Variants in SEMA5A observed in about 807,000 individuals in gnomAD.
SEMA5A encodes the protein semaphorin 5A.
SEMA5A carries 55 observed loss-of-function variants against 135.5 expected under a neutral mutation model. The observed-to-expected ratio is 0.41, with a 90% CI of 0.33 to 0.51. The LOEUF (loss-of-function observed/expected upper bound fraction) is 0.51. SEMA5A is among the 20% of genes least tolerant of loss of function. SEMA5A has a pLI of 0.37. For synonymous variants in SEMA5A, 580 were observed against 546.5 expected, an observed-to-expected ratio of 1.06 and a Z score of -0.85; for missense variants, 1,290 against 1,419.9, an observed-to-expected ratio of 0.91 and a Z score of 1.47.
chr5:9,058,213 TC>T (rs775376953), intron 18 of SEMA5A, among the ~76,000 whole-genome samples: 8 of 152,144 alleles, frequency 5.3e-5, no homozygotes, highest in Non-Finnish European at 1.0e-4. Context: ...ATATTCCATC[TC>T]CATCCTCACA....
intron 1 of SEMA5A, among the ~76,000 whole-genome samples, chr5:9,507,538 T>C (rs1735961750): frequency 6.6e-6 from 1 of 152,212 alleles, no homozygotes; most frequent in African/African-American, 2.4e-5. Context: ...GGTCTTTCCT[T>C]ATTTCTTGGC....
rs371438410 is a variant in SEMA5A, at chr5:9,306,099, C to CAG, written c.270+12271_270+12272dup. 1.5e-3 allele frequency among the ~76,000 whole-genome samples: 228 copies of CAG among 152,302 alleles called. 1 individual carries two copies. Among genetic ancestry groups the CAG allele is most frequent in the African/African-American group, 5.4e-3 (225 of 41,566 alleles). On this transcript the variant is annotated intron_variant, in intron 5 of 22. Coordinates refer to ENST00000382496, the MANE Select transcript of SEMA5A (RefSeq NM_003966.3). ...GATTTATCCCTTTTCCACGAGTTTT[C>CAG]AGAAGTCTGACTATAACGTGCTGGT... is the stretch of plus-strand genomic sequence containing the variant.
chr5:9,085,943 T>C (rs111490192), intron 16 of SEMA5A, among the ~76,000 whole-genome samples: 1,807 of 152,316 alleles, frequency 0.012, 37 homozygotes, highest in African/African-American at 0.04. Context: ...CAGTGTGACC[T>C]GGATGTGAGA....
intron 5 of SEMA5A, among the ~76,000 whole-genome samples, chr5:9,300,678 A>C (rs560322151): frequency 7.2e-4 from 109 of 152,314 alleles, no homozygotes; most frequent in African/African-American, 2.5e-3. Flanking sequence ...TAGCAAATGT[A>C]ATTAAGAATC....
intron 1 of SEMA5A, among the ~76,000 whole-genome samples, chr5:9,473,219 AG>A (rs1304426848): frequency 4.7e-5 from 7 of 148,698 alleles, no homozygotes; most frequent in East Asian, 3.9e-4. Context: ...AAAAAAAAAA[AG>A]AATGATAAAA....
In SEMA5A at chr5:9,042,657, C is replaced by G. The variant is rs1736024297; in HGVS notation, c.*240G>C. 8.8e-6 allele frequency: 4 copies of G among 455,240 alleles called. No homozygotes were observed. The Admixed American group carries it at 1.2e-4, about 14-fold the overall frequency. 28.2% of individuals were successfully genotyped at this position (455,240 alleles called of 1,614,324 possible). ...ACTTGTCAGAAAAATAGGATGAACA[C>G]AATTAAAAACTTCACACCCTGGCTC... On this transcript the variant is annotated 3_prime_UTR_variant, in exon 23 of 23. Coordinates refer to ENST00000382496, the MANE Select transcript of SEMA5A (RefSeq NM_003966.3).
Position 9,066,611 on chromosome 5 carries a change from C to T in SEMA5A, c.2109G>A (p.Glu703=), listed in dbSNP as rs1251793383. 1 of 1,614,132 alleles carries T rather than the reference C, an allele frequency of 6.2e-7. No individual in the cohort carries two copies. Residue 703 remains glutamate (E), a synonymous_variant, in exon 17 of 23, where the codon GAG becomes GAA. Transcript: ENST00000382496. Reference sequence around the variant, plus strand: ...GTGTCCAGGGCGTGGTCTTCTTCAGCTCAGGACACGGGTTGGTGTTGCAAG... The same window carrying T: ...GTGTCCAGGGCGTGGTCTTCTTCAGTTCAGGACACGGGTTGGTGTTGCAAG... The part of the protein sequence containing the change: ...YQSCNTNPCP[E]LKKTTPWTPW...
chr5:9,366,348 C>T (rs982827427), intron 3 of SEMA5A, among the ~76,000 whole-genome samples: 25 of 151,706 alleles, frequency 1.6e-4, no homozygotes, highest in African/African-American at 6.1e-4. Context: ...TCAATAATGT[C>T]AACAGAAATC....
chr5:9,081,588 C>A (rs1433663760), intron 16 of SEMA5A, among the ~76,000 whole-genome samples: 3 of 152,082 alleles, frequency 2.0e-5, no homozygotes, highest in Non-Finnish European at 4.4e-5. Context: ...AAAAGATGAC[C>A]ATTACTTATT....
At chr5:9,400,276 G>A (rs1270346166) in intron 2 of SEMA5A, among the ~76,000 whole-genome samples, 1 of 152,088 alleles carries the variant, frequency 6.6e-6, no homozygotes, top group Non-Finnish European at 1.5e-5. Context: ...GTATACCTAT[G>A]TAACAAGCCT....
At chr5:9,263,325 A>C (rs1226887382) in intron 5 of SEMA5A, among the ~76,000 whole-genome samples, 1 of 152,178 alleles carries the variant, frequency 6.6e-6, no homozygotes, top group Non-Finnish European at 1.5e-5. Context: ...TGAGCAGCAG[A>C]CAAGTGAGCG....
chr5:9,378,370 G>A lies in SEMA5A; in HGVS notation c.124+1453C>T, dbSNP rs1179700916. Among the ~76,000 whole-genome samples the A allele has an allele frequency of 2.6e-5, 4 of 152,158 alleles. No homozygotes were observed. The East Asian group carries it at 5.8e-4, about 22-fold the overall frequency. ...AAAATAATAAAATGAGAAAATCCCA[G>A]TTTTGTACCCACAGATGAATCAGTA... On this transcript the variant is annotated intron_variant, in intron 3 of 22. Coordinates refer to ENST00000382496, the MANE Select transcript of SEMA5A (RefSeq NM_003966.3).
chr5:9,483,828 G>C (rs773187398), intron 1 of SEMA5A, among the ~76,000 whole-genome samples: 40 of 152,256 alleles, frequency 2.6e-4, no homozygotes, highest in Non-Finnish European at 4.1e-4. Flanking sequence ...CAAAGCCTTG[G>C]GGGGAGGAGA....
At chr5:9,456,876 G>A (rs771932060) in intron 1 of SEMA5A, among the ~76,000 whole-genome samples, 12 of 152,132 alleles carry the variant, frequency 7.9e-5, no homozygotes, top group Non-Finnish European at 1.5e-4. Context: ...AGTAGAACAG[G>A]ATCAAACAGA....
At chr5:9,480,617 C>G (rs1346244983) in intron 1 of SEMA5A, among the ~76,000 whole-genome samples, 1 of 152,164 alleles carries the variant, frequency 6.6e-6, no homozygotes, top group African/African-American at 2.4e-5. Context: ...CAAATCTGCT[C>G]TTACTGCCTT....
intron 11 of SEMA5A, among the ~76,000 whole-genome samples, chr5:9,182,738 A>G (rs779704705): frequency 4.0e-5 from 6 of 151,336 alleles, no homozygotes; most frequent in Non-Finnish European, 5.9e-5. Context: ...TTTTTATACA[A>G]TGGCGGATCC....
intron 2 of SEMA5A, among the ~76,000 whole-genome samples, chr5:9,418,177 C>T (rs896602483): frequency 2.0e-5 from 3 of 151,964 alleles, no homozygotes; most frequent in African/African-American, 4.8e-5. Context: ...GGGGTTTCAC[C>T]GTGTTAGCCA....
chr5:9,353,319 GA>G (rs1561177769), intron 3 of SEMA5A, among the ~76,000 whole-genome samples: 1 of 40,974 alleles, frequency 2.4e-5, no homozygotes, highest in Non-Finnish European at 5.5e-5. Context: ...GAAGGGAAAG[GA>G]AGGAAAGGAA....
rs1371829272 is a variant in SEMA5A at position 9,384,098 on chromosome 5, T to C, written c.-77-4075A>G. Among the ~76,000 whole-genome samples, 6 of 152,212 alleles carry C rather than the reference T, an allele frequency of 3.9e-5. No individual in the cohort carries two copies. The East Asian group carries it at 1.2e-3, about 29-fold the overall frequency. On this transcript the variant is annotated intron_variant, in intron 2 of 22. Transcript: ENST00000382496. ...ACCTTTTTTCTTAAACTAAAGGTAC[T>C]GTAAACTGTCATTACAGTAAGGTGA...
Sources: allele counts gnomAD v4.1 joint callset (sites outside exome capture counted in the v4.1 genomes callset), GRCh38; gene constraint gnomAD v4.1.1; transcripts MANE v1.5; gene names NCBI Gene and HGNC (gene_info 2026-07-23, HGNC 2026-07-21).